ROBO2: variants seen among roughly 807,000 people sequenced by gnomAD.
The protein encoded by ROBO2 is roundabout homolog 2.
ROBO2 carries 53 observed loss-of-function variants against 160.8 expected under a neutral mutation model. That is an observed-to-expected ratio of 0.33 (90% CI 0.26 to 0.41). The LOEUF (loss-of-function observed/expected upper bound fraction) is 0.41. Among genes scored for constraint, ROBO2 ranks in the 10% least tolerant of loss-of-function variants. ROBO2 has a pLI of 1.00. For missense variants in ROBO2, 1,577 were observed against 1,722.4 expected (o/e 0.92, Z 1.49); for synonymous variants, 664 against 611.7 (o/e 1.09, Z -1.26).
At chr3:76,930,236 G>C (rs1313771527) in intron 2 of ROBO2, among the ~76,000 whole-genome samples, 1 of 151,818 alleles carries the variant, frequency 6.6e-6, no homozygotes, top group Non-Finnish European at 1.5e-5. Context: ...CGAACTCCTG[G>C]CCTCAAGTGA....
intron 2 of ROBO2, among the ~76,000 whole-genome samples, chr3:76,044,538 GATTC>G (rs59745987): frequency 0.6 from 88,972 of 149,396 alleles, 26,895 homozygotes; most frequent in Middle Eastern, 0.75. Flanking sequence ...CAGTCACAGA[GATTC>G]ATTCATTCAT....
At chr3:77,093,224 A>G (rs1209655618) in intron 1 of ROBO2, among the ~76,000 whole-genome samples, 1 of 152,174 alleles carries the variant, frequency 6.6e-6, no homozygotes, top group Admixed American at 6.5e-5. Context: ...GTATGGGCCT[A>G]AGATCCTCTA....
At chr3:76,107,056 G>T (rs1269162698) in intron 2 of ROBO2, among the ~76,000 whole-genome samples, 1 of 152,076 alleles carries the variant, frequency 6.6e-6, no homozygotes, top group Non-Finnish European at 1.5e-5. Context: ...TGAAATATTA[G>T]TCAATGGAAA....
At chr3:77,416,035 G>A (rs2077187136) in intron 2 of ROBO2, among the ~76,000 whole-genome samples, 1 of 152,200 alleles carries the variant, frequency 6.6e-6, no homozygotes, top group South Asian at 2.1e-4. Flanking sequence ...TGGGTTCCGT[G>A]TTCTTGTCCC....
At chr3:77,602,674 C>T (rs1468937726) in intron 20 of ROBO2, among the ~76,000 whole-genome samples, 183 bp downstream of exon 21, 1 of 146,900 alleles carries the variant, frequency 6.8e-6, no homozygotes, top group Non-Finnish European at 1.5e-5. Flanking sequence ...ACCACCACCA[C>T]CACCACCACC....
chr3:76,576,375 G>C (rs1280955317), intron 2 of ROBO2, among the ~76,000 whole-genome samples: 1 of 152,068 alleles, frequency 6.6e-6, no homozygotes, highest in African/African-American at 2.4e-5. Context: ...TGGATGATAT[G>C]ATACTCTCAC....
intron 2 of ROBO2, among the ~76,000 whole-genome samples, chr3:76,680,509 A>G (rs931613094): frequency 6.6e-6 from 1 of 152,122 alleles, no homozygotes; most frequent in Non-Finnish European, 1.5e-5. Context: ...GTAGATGTAG[A>G]CAAATGCAGG....
chr3:76,305,535 C>T (rs545091467), intron 2 of ROBO2, among the ~76,000 whole-genome samples: 9 of 150,472 alleles, frequency 6.0e-5, no homozygotes, highest in Middle Eastern at 3.5e-3. Context: ...CTGAGGCAGG[C>T]GGATCACGAG....
At chr3:77,206,143 A>ATCTC (rs146646560) in intron 2 of ROBO2, among the ~76,000 whole-genome samples, 8 of 150,016 alleles carry the variant, frequency 5.3e-5, no homozygotes, top group Admixed American at 6.6e-5. Context: ...CTCTTCCTGC[A>ATCTC]TCTCTCTCTC....
At chr3:76,883,153 A>G (rs1254456974) in intron 2 of ROBO2, among the ~76,000 whole-genome samples, 1 of 152,192 alleles carries the variant, frequency 6.6e-6, no homozygotes. Context: ...TTACTAAAAA[A>G]TACCCATATG....
chr3:76,083,686 C>T (rs1303187043), intron 2 of ROBO2, among the ~76,000 whole-genome samples: 1 of 152,108 alleles, frequency 6.6e-6, no homozygotes, highest in African/African-American at 2.4e-5. Flanking sequence ...TCCCTCCTGT[C>T]CCAAAATTCT....
intron 2 of ROBO2, among the ~76,000 whole-genome samples, chr3:76,394,115 C>A (rs956064567): frequency 1.3e-5 from 2 of 152,032 alleles, no homozygotes; most frequent in Non-Finnish European, 2.9e-5. Flanking sequence ...TGTAGCATTT[C>A]GTCCATTTAC....
chr3:76,652,602 A>C (rs2091304699), intron 2 of ROBO2, among the ~76,000 whole-genome samples: 1 of 152,218 alleles, frequency 6.6e-6, no homozygotes, highest in African/African-American at 2.4e-5. Context: ...TTTAAGATAT[A>C]TATGACTAAA....
chr3:76,869,346 T>TTG (rs1553669261), intron 2 of ROBO2, among the ~76,000 whole-genome samples: 5 of 130,060 alleles, frequency 3.8e-5, no homozygotes, highest in Non-Finnish European at 8.2e-5. Flanking sequence ...ATTGATGTTT[T>TTG]TTTTTTTTTT....
chr3:76,064,272 T>C (rs1209203761), intron 2 of ROBO2, among the ~76,000 whole-genome samples: 1 of 152,206 alleles, frequency 6.6e-6, no homozygotes, highest in Non-Finnish European at 1.5e-5. Flanking sequence ...TAATCTGTTA[T>C]GCAGCAGGGG....
intron 2 of ROBO2, among the ~76,000 whole-genome samples, chr3:76,699,898 G>T (rs1399891291): frequency 2.0e-5 from 3 of 152,034 alleles, no homozygotes; most frequent in Non-Finnish European, 4.4e-5. Context: ...TAACACTATG[G>T]ATATTGCTGC....
At chr3:77,463,795 G>A (rs1252125639) in intron 2 of ROBO2, among the ~76,000 whole-genome samples, 1 of 152,040 alleles carries the variant, frequency 6.6e-6, no homozygotes, top group Non-Finnish European at 1.5e-5. Context: ...TGCCCAAAAT[G>A]GTCTCGAACT....
At chr3:76,770,468 T>A (rs1033667399) in intron 2 of ROBO2, among the ~76,000 whole-genome samples, 2 of 151,242 alleles carry the variant, frequency 1.3e-5, no homozygotes, top group African/African-American at 4.8e-5. Context: ...AACAAATAGA[T>A]TTCCTGTGGT....
At chr3:76,113,056 A>G (rs1026572379) in intron 2 of ROBO2, among the ~76,000 whole-genome samples, 2 of 152,146 alleles carry the variant, frequency 1.3e-5, no homozygotes, top group African/African-American at 4.8e-5. Context: ...ATTTCTGCAA[A>G]TAAATACAGT....
Sources: gnomAD v4.1 joint callset for allele counts (sites outside exome capture counted in the v4.1 genomes callset) on GRCh38, gnomAD v4.1.1 for gene constraint, MANE v1.5 for transcripts, NCBI Gene and HGNC (gene_info 2026-07-23, HGNC 2026-07-21) for gene names.